The following CDH18 variants were observed in gnomAD, a reference collection of about 807,000 sequenced individuals.
The protein encoded by CDH18 is cadherin 18, also known as cadherin-18.
CDH18 carries 31 observed loss-of-function variants against 67.9 expected under a neutral mutation model. The ratio of observed to expected loss-of-function variants is 0.46; its 90% CI spans 0.34 to 0.62. CDH18 has a LOEUF of 0.62. Ranked by LOEUF, CDH18 falls within the 20% of genes least tolerant of loss-of-function variation. CDH18 has a pLI of 0.01. For missense variants in CDH18, 890 were observed against 975.5 expected (o/e 0.91, Z 1.17); for synonymous variants, 362 against 347.2 (o/e 1.04, Z -0.48).
intron 2 of CDH18, among the ~76,000 whole-genome samples, chr5:19,858,473 G>A (rs982944369): frequency 6.6e-6 from 1 of 152,152 alleles, no homozygotes; most frequent in Non-Finnish European, 1.5e-5. Flanking sequence ...TGGCTTGATA[G>A]CGCCAATATA....
intron 1 of CDH18, among the ~76,000 whole-genome samples, chr5:20,331,706 C>G (rs1739207192): frequency 6.6e-6 from 1 of 152,106 alleles, no homozygotes; most frequent in Non-Finnish European, 1.5e-5. Context: ...CTCCTCCCCC[C>G]AGCTGGAGGA....
chr5:20,171,470 T>C (rs1403616592), intron 2 of CDH18, among the ~76,000 whole-genome samples: 4 of 152,030 alleles, frequency 2.6e-5, no homozygotes, highest in Non-Finnish European at 5.9e-5. Flanking sequence ...ATCAGTGACA[T>C]TGAGATTTTT....
chr5:20,130,833 A>G (rs116285752), intron 2 of CDH18, among the ~76,000 whole-genome samples: 2,428 of 152,034 alleles, frequency 0.016, 41 homozygotes, highest in Middle Eastern at 0.034. Flanking sequence ...AATCACTTCT[A>G]TTTCCTATAG....
At chr5:20,399,925 C>T (rs1024172342) in intron 1 of CDH18, among the ~76,000 whole-genome samples, 3 of 152,168 alleles carry the variant, frequency 2.0e-5, no homozygotes, top group African/African-American at 7.2e-5. Context: ...AGAAACCCTG[C>T]TCTGAAACAC....
chr5:20,474,121 A>G (rs1035369576), intron 1 of CDH18, among the ~76,000 whole-genome samples: 1 of 152,132 alleles, frequency 6.6e-6, no homozygotes, highest in African/African-American at 2.4e-5. Context: ...GTGTTAGATC[A>G]GAAACTAACA....
intron 1 of CDH18, among the ~76,000 whole-genome samples, chr5:20,570,990 T>A (rs1201115291): frequency 6.6e-6 from 1 of 152,162 alleles, no homozygotes; most frequent in Non-Finnish European, 1.5e-5. Context: ...TTCTAATTAT[T>A]AACATCATCT....
At chr5:19,792,343 T>C (rs1776450982) in intron 3 of CDH18, among the ~76,000 whole-genome samples, 1 of 152,154 alleles carries the variant, frequency 6.6e-6, no homozygotes, top group Non-Finnish European at 1.5e-5. Context: ...TCAGGCTTCG[T>C]AACTTACACC....
rs1049357683 is a variant in CDH18, at chr5:20,071,168, AC to A, written c.-517-79155del. Among the ~76,000 whole-genome samples the A allele has an allele frequency of 1.7e-4, 26 of 152,214 alleles. 1 individual carries two copies. The highest frequency in any genetic ancestry group is 6.0e-4 in the African/African-American group (25 of 41,564). On this transcript the variant is annotated intron_variant, in intron 2 of 14. Coordinates refer to the CDH18 transcript ENST00000507958. ...AGAAACAATGAGAAGCTACAGATAC[AC>A]TGGCATTTAAGATTTGGAAAATATC...
At chr5:19,761,427 C>T (rs531664563) in intron 3 of CDH18, among the ~76,000 whole-genome samples, 10 of 152,232 alleles carry the variant, frequency 6.6e-5, no homozygotes, top group African/African-American at 2.4e-4. Flanking sequence ...GTAAATCAGG[C>T]GTTTCAAATG....
At chr5:19,967,246 G>GA (rs990226101) in intron 2 of CDH18, among the ~76,000 whole-genome samples, 1 of 151,776 alleles carries the variant, frequency 6.6e-6, no homozygotes, top group Non-Finnish European at 1.5e-5. Context: ...TTACAAAAAT[G>GA]AAAAAAATAG....
intron 2 of CDH18, among the ~76,000 whole-genome samples, chr5:20,018,319 A>T (rs1738071147): frequency 1.3e-5 from 2 of 152,166 alleles, no homozygotes; most frequent in African/African-American, 4.8e-5. Flanking sequence ...TAGAGATACA[A>T]ATATAATTAT....
chr5:19,941,030 TTG>T (rs1410929528), intron 2 of CDH18, among the ~76,000 whole-genome samples: 2 of 152,104 alleles, frequency 1.3e-5, no homozygotes, highest in African/African-American at 4.8e-5. Flanking sequence ...AACTAAATGT[TTG>T]TGTTTCTCCA....
At chr5:20,105,960 G>C (rs1159869505) in intron 2 of CDH18, among the ~76,000 whole-genome samples, 2 of 152,110 alleles carry the variant, frequency 1.3e-5, no homozygotes, top group Non-Finnish European at 2.9e-5. Context: ...ATAATGTCTG[G>C]AATGTAGTAA....
At chr5:19,602,656 T>C (rs1747328077) in intron 6 of CDH18, among the ~76,000 whole-genome samples, 1 of 152,082 alleles carries the variant, frequency 6.6e-6, no homozygotes. Context: ...GAGAACAGTA[T>C]GGAGGCCTCT....
chr5:19,483,639 T>G (rs767081524), intron 11 of CDH18, 87 bp from the exon 12 acceptor site: 52 of 1,348,762 alleles, frequency 3.9e-5, no homozygotes, highest in Admixed American at 4.7e-5. Flanking sequence ...AATGGGGATG[T>G]GTATCTTTCT....
chr5:20,018,627 T>C (rs879763842), intron 2 of CDH18, among the ~76,000 whole-genome samples: 2 of 152,172 alleles, frequency 1.3e-5, no homozygotes, highest in African/African-American at 2.4e-5. Flanking sequence ...AGAATTGGCT[T>C]CCCAAATAAT....
intron 1 of CDH18, among the ~76,000 whole-genome samples, chr5:20,474,617 T>C (rs968826043): frequency 1.3e-5 from 2 of 151,982 alleles, no homozygotes; most frequent in African/African-American, 4.8e-5. Flanking sequence ...CAGAGAAAAA[T>C]AAAAGACTAA....
At chr5:19,786,796 G>A (rs895007010) in intron 3 of CDH18, among the ~76,000 whole-genome samples, 1 of 151,938 alleles carries the variant, frequency 6.6e-6, no homozygotes, top group Non-Finnish European at 1.5e-5. Context: ...CCATTCTTTA[G>A]TTCTTCTAAT....
chr5:19,886,404 A>G (rs1429215441), intron 2 of CDH18: 1 of 152,198 alleles, frequency 6.6e-6, no homozygotes, highest in Admixed American at 6.6e-5. Context: ...AAGAATCAAA[A>G]TCACAGAGAG....
Sources: gnomAD v4.1 joint callset for allele counts (sites outside exome capture counted in the v4.1 genomes callset) on GRCh38, gnomAD v4.1.1 for gene constraint, MANE v1.5 for transcripts, NCBI Gene and HGNC (gene_info 2026-07-23, HGNC 2026-07-21) for gene names.